VSNL1: variants seen among roughly 807,000 people sequenced by gnomAD.
VSNL1 encodes the protein visinin like 1.
A neutral mutation model predicts 20.4 loss-of-function variants in VSNL1; 6 were observed. The observed-to-expected ratio is 0.29, with a 90% CI of 0.16 to 0.58. VSNL1 has a LOEUF of 0.58. Ranked by LOEUF, VSNL1 falls within the 20% of genes least tolerant of loss-of-function variation. The pLI is 0.90. For synonymous variants in VSNL1, 93 were observed against 86.4 expected, an observed-to-expected ratio of 1.08 and a Z score of -0.42; for missense variants, 100 against 234.5, an observed-to-expected ratio of 0.43 and a Z score of 3.75.
intron 2 of VSNL1, among the ~76,000 whole-genome samples, chr2:17,614,938 GA>G (rs1215182743): frequency 7.2e-5 from 11 of 152,212 alleles, no homozygotes; most frequent in African/African-American, 2.7e-4. Flanking sequence ...CTGCACTTAG[GA>G]AGTTACCAAT....
At chr2:17,570,274 T>TAAAG (rs1187787325) in intron 1 of VSNL1, among the ~76,000 whole-genome samples, 3 of 152,186 alleles carry the variant, frequency 2.0e-5, no homozygotes, top group Admixed American at 6.5e-5. Flanking sequence ...TAGGGTAGAA[T>TAAAG]AAAGATTAAC....
chr2:17,638,538 T>C (rs1383653782), intron 2 of VSNL1, among the ~76,000 whole-genome samples: 2 of 152,116 alleles, frequency 1.3e-5, no homozygotes, highest in Non-Finnish European at 2.9e-5. Flanking sequence ...AGTGGCATGA[T>C]TGGAACCTGG....
chr2:17,585,470 C>T lies in VSNL1; in HGVS notation c.-5-6600C>T, dbSNP rs562444014. 1.3e-4 allele frequency among the ~76,000 whole-genome samples: 19 copies of T among 151,774 alleles called. No homozygotes were observed. In the South Asian group the frequency reaches 1.3e-3, roughly 10 times the overall value. ...TAACAGTCTCTGGAAACCAGCAATC[C>T]GGTGTCAGTTGTTTATAGGATCCAA... On this transcript the variant is annotated intron_variant, in intron 1 of 3. Coordinates refer to ENST00000295156, the MANE Select transcript of VSNL1 (RefSeq NM_003385.5).
At chr2:17,567,953 T>C (rs1185807141) in intron 1 of VSNL1, among the ~76,000 whole-genome samples, 1 of 152,194 alleles carries the variant, frequency 6.6e-6, no homozygotes, top group Non-Finnish European at 1.5e-5. Flanking sequence ...TATTTGATAA[T>C]TTGTAGGTAT....
rs67537461 is a variant in VSNL1, at chr2:17,587,348, AACACACACACACAC to A, written c.-5-4688_-5-4675del. Among the ~76,000 whole-genome samples the A allele has an allele frequency of 3.9e-3, 519 of 134,656 alleles. 2 individuals are homozygous for A. Among genetic ancestry groups the A allele is most frequent in the Non-Finnish European group, 4.8e-3 (302 of 62,410 alleles). 88.3% of individuals were successfully genotyped at this position (134,656 alleles called of 152,430 possible). On this transcript the variant is annotated intron_variant, in intron 1 of 3. Transcript: ENST00000295156. ...AGTAGGTAAGAGACAGGCTGAGGGC[AACACACACACACAC>A]ACACACACACACACACACACACACA... is the stretch of plus-strand genomic sequence containing the variant.
intron 2 of VSNL1, among the ~76,000 whole-genome samples, chr2:17,596,291 G>A (rs889740869): frequency 3.9e-5 from 6 of 152,176 alleles, no homozygotes; most frequent in Non-Finnish European, 5.9e-5. Flanking sequence ...CCACAGCACT[G>A]CTGCTGATAG....
chr2:17,544,203 C>T (rs1663358385), intron 1 of VSNL1, among the ~76,000 whole-genome samples: 2 of 152,262 alleles, frequency 1.3e-5, no homozygotes, highest in Middle Eastern at 6.8e-3. Flanking sequence ...TTTCTCAACA[C>T]CTTTACCAAT....
intron 2 of VSNL1, among the ~76,000 whole-genome samples, chr2:17,638,089 C>T (rs1558308484): frequency 6.6e-6 from 1 of 152,028 alleles, no homozygotes; most frequent in Non-Finnish European, 1.5e-5. Context: ...GAGATGTTGC[C>T]CTCTTGGGGG....
intron 1 of VSNL1, among the ~76,000 whole-genome samples, chr2:17,542,190 A>G (rs754407731): frequency 6.8e-6 from 1 of 147,790 alleles, no homozygotes; most frequent in African/African-American, 2.5e-5. Context: ...TATCATTTAA[A>G]CTGCCTACGT....
chr2:17,567,268 A>C (rs1399689104), intron 1 of VSNL1: 2 of 150,490 alleles, frequency 1.3e-5, no homozygotes, highest in Non-Finnish European at 3.0e-5. Flanking sequence ...TTCTCCATAA[A>C]ATTTTGCCAC....
At chr2:17,621,794 AT>A (rs1337179372) in intron 2 of VSNL1, among the ~76,000 whole-genome samples, 1 of 151,930 alleles carries the variant, frequency 6.6e-6, no homozygotes, top group Non-Finnish European at 1.5e-5. Context: ...CACTTGGCTA[AT>A]TTTTTTGTTG....
At chr2:17,610,699 T>C (rs1299891580) in intron 2 of VSNL1, among the ~76,000 whole-genome samples, 1 of 152,130 alleles carries the variant, frequency 6.6e-6, no homozygotes, top group East Asian at 1.9e-4. Flanking sequence ...AACAGCCCTG[T>C]TGAGGACAGA....
At chr2:17,609,420 T>A (rs1351024658) in intron 2 of VSNL1, among the ~76,000 whole-genome samples, 1 of 152,200 alleles carries the variant, frequency 6.6e-6, no homozygotes, top group African/African-American at 2.4e-5. Flanking sequence ...CATGTTCAGT[T>A]AAAAGTCAGT....
intron 2 of VSNL1, among the ~76,000 whole-genome samples, chr2:17,607,584 G>A (rs959493176): frequency 3.3e-5 from 5 of 152,150 alleles, no homozygotes; most frequent in African/African-American, 4.8e-5. Context: ...TAGAAATCAC[G>A]TGCAGCTGTC....
At chr2:17,629,652 T>C (rs1299043330) in intron 2 of VSNL1, among the ~76,000 whole-genome samples, 1 of 152,234 alleles carries the variant, frequency 6.6e-6, no homozygotes, top group African/African-American at 2.4e-5. Context: ...CCCCCTGCCA[T>C]GCCTGGGCCT....
At chr2:17,647,615 G>A (rs1666026339) in intron 2 of VSNL1, among the ~76,000 whole-genome samples, 1 of 152,178 alleles carries the variant, frequency 6.6e-6, no homozygotes, top group Non-Finnish European at 1.5e-5. Flanking sequence ...TAGCATTGGG[G>A]GGTGAGGGGC....
Position 17,542,205 on chromosome 2 carries a change from T to TTG in VSNL1, c.-6+1298_-6+1299dup, listed in dbSNP as rs34052744. 3.6e-3 allele frequency among the ~76,000 whole-genome samples: 552 copies of TTG among 151,860 alleles called. 1 individual carries two copies. Among genetic ancestry groups the TTG allele is most frequent in the Middle Eastern group, 0.017 (5 of 294 alleles). ...TATCATTTAAACTGCCTACGTGTGT[T>TTG]TGTGTGTGTGTGGTGGGGGGGAGTA... is the stretch of plus-strand genomic sequence containing the variant. On this transcript the variant is annotated intron_variant, in intron 1 of 3. Transcript: ENST00000295156.
At chr2:17,559,703 A>C (rs1409557615) in intron 1 of VSNL1, among the ~76,000 whole-genome samples, 2 of 152,172 alleles carry the variant, frequency 1.3e-5, no homozygotes, top group African/African-American at 4.8e-5. Context: ...AAAGTAATTT[A>C]AGTGTTATAG....
chr2:17,606,610 C>G (rs1167107342), intron 2 of VSNL1, among the ~76,000 whole-genome samples: 1 of 152,162 alleles, frequency 6.6e-6, no homozygotes, highest in East Asian at 1.9e-4. Context: ...ACTTCCCTCT[C>G]TAGCAGACTT....
Sources: allele counts gnomAD v4.1 joint callset (sites outside exome capture counted in the v4.1 genomes callset), GRCh38; gene constraint gnomAD v4.1.1; transcripts MANE v1.5; gene names NCBI Gene and HGNC (gene_info 2026-07-23, HGNC 2026-07-21).